Variants in FBXO28 observed in about 807,000 individuals in gnomAD.
FBXO28 encodes F-box protein 28, also known as F-box only protein 28.
In FBXO28, 8 loss-of-function variants were observed where a neutral mutation model predicts 38.1. The ratio of observed to expected loss-of-function variants is 0.21; its 90% CI spans 0.12 to 0.38. The LOEUF is 0.38. Among genes scored for constraint, FBXO28 ranks in the 10% least tolerant of loss-of-function variants. The pLI, the probability that FBXO28 is intolerant of heterozygous loss-of-function variation, is 1.00. For synonymous variants in FBXO28, 168 were observed against 173.8 expected (o/e 0.97, Z 0.26); for missense variants, 345 against 460.6 (o/e 0.75, Z 2.30).
intron 3 of FBXO28, among the ~76,000 whole-genome samples, chr1:224,137,320 C>T (rs865809624): frequency 6.6e-6 from 1 of 151,350 alleles, no homozygotes; most frequent in African/African-American, 2.4e-5. Context: ...GTCAAGAGAT[C>T]GAGACCATCC....
chr1:224,145,627 A>G (rs1276442223), intron 3 of FBXO28, among the ~76,000 whole-genome samples: 1 of 152,188 alleles, frequency 6.6e-6, no homozygotes, highest in African/African-American at 2.4e-5. Flanking sequence ...AACATGCCAT[A>G]TAAAGAATAT....
At chr1:224,149,092 A>T (rs1483254665) in intron 3 of FBXO28, among the ~76,000 whole-genome samples, 1 of 152,144 alleles carries the variant, frequency 6.6e-6, no homozygotes, top group Non-Finnish European at 1.5e-5. Context: ...TCTTCTGTCT[A>T]CCAGTATTTA....
chr1:224,150,984 A>G lies in FBXO28; in HGVS notation c.517-2158A>G, dbSNP rs574583389. On this transcript the variant is annotated intron_variant, in intron 3 of 4. Transcript: ENST00000366862. Reference sequence around the variant, plus strand: ...TTGAATAATGTTTATCTTACAAGTTATGATAGGCTTACGTAATTAAATTGT... The same window carrying G: ...TTGAATAATGTTTATCTTACAAGTTGTGATAGGCTTACGTAATTAAATTGT... Among the ~76,000 whole-genome samples, 11 of 152,334 alleles carry G rather than the reference A, an allele frequency of 7.2e-5. No homozygotes were observed. In the South Asian group the frequency reaches 2.3e-3, roughly 32 times the overall value.
intron 3 of FBXO28, among the ~76,000 whole-genome samples, chr1:224,139,764 G>GCATACATGCATGCATACATA (rs1657297916): frequency 1.4e-5 from 2 of 145,936 alleles, no homozygotes; most frequent in East Asian, 4.1e-4. Context: ...ATGCATGCAT[G>GCATACATGCATGCATACATA]CATACATACA....
At chr1:224,115,449 A>G (rs1177470615) in intron 1 of FBXO28, among the ~76,000 whole-genome samples, 1 of 152,196 alleles carries the variant, frequency 6.6e-6, no homozygotes, top group East Asian at 1.9e-4. Flanking sequence ...TCAATATGCT[A>G]TATTGTAGGC....
rs1158177371 is a variant in FBXO28, at chr1:224,159,187, T to C, written c.*1441T>C. The C allele has an allele frequency of 2.6e-5, 4 of 152,640 alleles. No individual in the cohort carries two copies. Among genetic ancestry groups the C allele is most frequent in the Non-Finnish European group, 5.9e-5 (4 of 68,038 alleles). 9.5% of individuals were successfully genotyped at this position (152,640 alleles called of 1,614,324 possible). ...TTGGGCTTCAGTTATTTAAAGTAAA[T>C]TTAGGTGTAATATAGAAAACTGTCC... On this transcript the variant is annotated 3_prime_UTR_variant, in exon 5 of 5. Transcript: ENST00000366862.
In FBXO28 at chr1:224,152,498, G is replaced by A. The variant is rs114426039; in HGVS notation, c.517-644G>A. 2.1e-3 allele frequency among the ~76,000 whole-genome samples: 316 copies of A among 152,260 alleles called. 1 individual carries two copies. Among genetic ancestry groups the A allele is most frequent in the African/African-American group, 6.4e-3 (265 of 41,560 alleles). ...TCTATAGCAATTTGTATACCTGTTT[G>A]TATCACTTATGTACACACATATCTC... On this transcript the variant is annotated intron_variant, in intron 3 of 4. Coordinates refer to ENST00000366862, the MANE Select transcript of FBXO28 (RefSeq NM_015176.4).
At chr1:224,133,396 G>A (rs1396191118) in intron 2 of FBXO28, among the ~76,000 whole-genome samples, 12 of 152,072 alleles carry the variant, frequency 7.9e-5, no homozygotes, top group African/African-American at 2.9e-4. Flanking sequence ...AAAGTTTAAA[G>A]GAGTTAAATT....
chr1:224,156,996 T>C (rs1220585654), intron 4 of FBXO28, among the ~76,000 whole-genome samples: 2 of 44,406 alleles, frequency 4.5e-5, no homozygotes, highest in Non-Finnish European at 1.2e-4. Flanking sequence ...AGTGAGACTC[T>C]GTCTCAAAAA....
intron 3 of FBXO28, among the ~76,000 whole-genome samples, chr1:224,142,856 G>C (rs141490146): frequency 0.021 from 3,188 of 152,198 alleles, 43 homozygotes; most frequent in Middle Eastern, 0.061. Flanking sequence ...TGAGGCACGA[G>C]AATCGCTTCA....
At chr1:224,145,024 A>G (rs759276628) in intron 3 of FBXO28, among the ~76,000 whole-genome samples, 9 of 151,862 alleles carry the variant, frequency 5.9e-5, no homozygotes, top group Admixed American at 5.9e-4. Context: ...GCTCACACCT[A>G]TAATCCTAGC....
At chr1:224,154,136 C>G (rs1228906109) in intron 4 of FBXO28, among the ~76,000 whole-genome samples, 1 of 152,192 alleles carries the variant, frequency 6.6e-6, no homozygotes, top group Admixed American at 6.5e-5. Context: ...GCACTTAATA[C>G]ACGAACCTAC....
chr1:224,121,507 G>C (rs10916328), intron 1 of FBXO28, among the ~76,000 whole-genome samples: 140,907 of 152,076 alleles, frequency 0.93, 66,121 homozygotes, highest in Non-Finnish European at 1. Flanking sequence ...TTAGGCAGTA[G>C]GTAGAAGAGA....
chr1:224,140,174 T>C (rs1463558513), intron 3 of FBXO28, among the ~76,000 whole-genome samples: 1 of 152,200 alleles, frequency 6.6e-6, no homozygotes, highest in African/African-American at 2.4e-5. Flanking sequence ...TCCTAAATAT[T>C]TCATTGTATT....
intron 1 of FBXO28, among the ~76,000 whole-genome samples, chr1:224,118,899 A>T (rs1460019446): frequency 6.6e-6 from 1 of 152,212 alleles, no homozygotes; most frequent in South Asian, 2.1e-4. Flanking sequence ...TGTCAGAACA[A>T]TAATGTCAGC....
chr1:224,133,813 A>G (rs1657112476), intron 2 of FBXO28, among the ~76,000 whole-genome samples: 1 of 132,340 alleles, frequency 7.6e-6, no homozygotes, highest in Non-Finnish European at 1.6e-5. Flanking sequence ...GCCCGGCCCC[A>G]AAAAACCTAA....
intron 3 of FBXO28, among the ~76,000 whole-genome samples, chr1:224,135,780 T>C (rs1386024646): frequency 1.3e-5 from 2 of 152,094 alleles, no homozygotes; most frequent in Non-Finnish European, 2.9e-5. Flanking sequence ...CTCACACCTG[T>C]AATCCCCACA....
chr1:224,148,994 A>G lies in FBXO28; in HGVS notation c.517-4148A>G, dbSNP rs543624497. ...TTGCTTTGCTGTTTATGGGTCTTTC[A>G]TGGAGTCATGTTTCACTGGATAGGA... On this transcript the variant is annotated intron_variant, in intron 3 of 4. Coordinates refer to ENST00000366862, the MANE Select transcript of FBXO28 (RefSeq NM_015176.4). Among the ~76,000 whole-genome samples the G allele has an allele frequency of 8.5e-5, 13 of 152,236 alleles. No individual in the cohort carries two copies. The East Asian group carries it at 2.5e-3, about 29-fold the overall frequency.
intron 2 of FBXO28, among the ~76,000 whole-genome samples, chr1:224,133,412 A>C (rs181517861): frequency 6.6e-6 from 1 of 152,242 alleles, no homozygotes; most frequent in Non-Finnish European, 1.5e-5. Flanking sequence ...AAATTTTATC[A>C]TCAAAAGCAT....
Sources: gnomAD v4.1 joint callset for allele counts (sites outside exome capture counted in the v4.1 genomes callset) on GRCh38, gnomAD v4.1.1 for gene constraint, MANE v1.5 for transcripts, NCBI Gene and HGNC (gene_info 2026-07-23, HGNC 2026-07-21) for gene names.